Variants in GRM8 observed in about 807,000 individuals in gnomAD.
The protein encoded by GRM8 is metabotropic glutamate receptor 8.
Under a neutral mutation model 87.2 loss-of-function variants are expected in GRM8, and 47 were observed. The ratio of observed to expected loss-of-function variants is 0.54; its 90% CI spans 0.43 to 0.69. GRM8 has a LOEUF of 0.69. GRM8 is among the 30% of genes least tolerant of loss of function. The pLI, the probability that GRM8 is intolerant of heterozygous loss-of-function variation, is 0.00. For synonymous variants in GRM8, 396 were observed against 404.5 expected (o/e 0.98, Z 0.25); for missense variants, 1,019 against 1,139.2 (o/e 0.89, Z 1.52).
intron 7 of GRM8, among the ~76,000 whole-genome samples, chr7:126,675,340 T>G (rs896385768): frequency 6.6e-6 from 1 of 152,318 alleles, no homozygotes; most frequent in East Asian, 1.9e-4. Flanking sequence ...CCAATCCTAC[T>G]GAAACTATTT....
chr7:126,631,266 T>C (rs182310311), intron 7 of GRM8, among the ~76,000 whole-genome samples: 1 of 152,200 alleles, frequency 6.6e-6, no homozygotes, highest in Admixed American at 6.5e-5. Flanking sequence ...AAATCATGTA[T>C]GAACTCCCTT....
intron 2 of GRM8, among the ~76,000 whole-genome samples, chr7:127,166,285 T>C (rs186597633): frequency 6.6e-6 from 1 of 152,308 alleles, no homozygotes; most frequent in Non-Finnish European, 1.5e-5. Flanking sequence ...TGATTTTTTT[T>C]CCTTCTTCTT....
chr7:126,794,718 G>T (rs936662725), intron 6 of GRM8, among the ~76,000 whole-genome samples: 1 of 152,164 alleles, frequency 6.6e-6, no homozygotes, highest in Non-Finnish European at 1.5e-5. Context: ...TTGTCAAAGT[G>T]TGGTGGTTCA....
At chr7:127,128,707 T>C (rs1353789042) in intron 2 of GRM8, among the ~76,000 whole-genome samples, 1 of 152,166 alleles carries the variant, frequency 6.6e-6, no homozygotes, top group Non-Finnish European at 1.5e-5. Context: ...AGCTAATGAA[T>C]AACGGTAAGG....
chr7:126,804,229 C>A (rs927977067), intron 6 of GRM8, among the ~76,000 whole-genome samples: 10 of 152,198 alleles, frequency 6.6e-5, no homozygotes, highest in African/African-American at 2.4e-4. Context: ...GGCAGCTTAG[C>A]TTTTTTCCCT....
chr7:126,774,730 A>C (rs1165522650), intron 6 of GRM8, among the ~76,000 whole-genome samples: 1 of 152,126 alleles, frequency 6.6e-6, no homozygotes, highest in Non-Finnish European at 1.5e-5. Context: ...TCAGTAAAAA[A>C]GGCAAATTGA....
rs553002975 is a variant in GRM8, at chr7:127,027,261, G to C, written c.727+79235C>G. On this transcript the variant is annotated intron_variant, in intron 3 of 10. Transcript: ENST00000339582. ...AGCCTTGTAGTATAGTTTGAAGTCA[G>C]GTAGCGTGATGCCTCCAGCTTTGTT... Among the ~76,000 whole-genome samples the C allele has an allele frequency of 7.2e-5, 11 of 152,280 alleles. No homozygotes were observed. In the South Asian group the frequency reaches 2.3e-3, roughly 32 times the overall value.
intron 7 of GRM8, among the ~76,000 whole-genome samples, chr7:126,739,802 AT>A (rs1814730616): frequency 1.3e-5 from 2 of 151,970 alleles, no homozygotes; most frequent in African/African-American, 2.4e-5. Context: ...TTTTACTGTA[AT>A]TTTCTATGTT....
intron 9 of GRM8, among the ~76,000 whole-genome samples, chr7:126,468,060 A>G (rs1804715649): frequency 1.3e-5 from 2 of 152,090 alleles, no homozygotes. Context: ...GATAACTATA[A>G]AAATAAATAA....
chr7:127,151,928 G>A (rs1828880878), intron 2 of GRM8, among the ~76,000 whole-genome samples: 1 of 151,800 alleles, frequency 6.6e-6, no homozygotes, highest in Non-Finnish European at 1.5e-5. Flanking sequence ...TAATTCTGTA[G>A]ATTAAAAAAA....
At chr7:126,962,947 G>A (rs763298689) in intron 3 of GRM8, among the ~76,000 whole-genome samples, 1 of 152,164 alleles carries the variant, frequency 6.6e-6, no homozygotes, top group Non-Finnish European at 1.5e-5. Context: ...AAAACTTAGA[G>A]ATCTTTGACC....
chr7:126,487,448 C>A (rs1474066500), intron 9 of GRM8, among the ~76,000 whole-genome samples: 2 of 151,820 alleles, frequency 1.3e-5, no homozygotes, highest in African/African-American at 4.8e-5. Flanking sequence ...ATTTTAATAA[C>A]TTTTTCTGAT....
intron 9 of GRM8, among the ~76,000 whole-genome samples, chr7:126,454,245 ATGT>A (rs1802967782): frequency 6.6e-6 from 1 of 151,762 alleles, no homozygotes; most frequent in Non-Finnish European, 1.5e-5. Flanking sequence ...AAGAGAAAAT[ATGT>A]TGAATCCTAT....
At chr7:126,607,800 A>G (rs1222782552) in intron 8 of GRM8, among the ~76,000 whole-genome samples, 1 of 150,710 alleles carries the variant, frequency 6.6e-6, no homozygotes. Context: ...TGCACCCACT[A>G]ACTCGTCATC....
At chr7:126,740,028 A>G (rs575509951) in intron 7 of GRM8, among the ~76,000 whole-genome samples, 2 of 152,230 alleles carry the variant, frequency 1.3e-5, no homozygotes, top group Non-Finnish European at 2.9e-5. Flanking sequence ...CATTTCTCAG[A>G]ACATGCCCCC....
intron 3 of GRM8, among the ~76,000 whole-genome samples, chr7:127,047,862 C>T (rs1010087148): frequency 6.6e-6 from 1 of 152,106 alleles, no homozygotes; most frequent in African/African-American, 2.4e-5. Context: ...AAAAGCAATG[C>T]AAAATATCTT....
intron 6 of GRM8, among the ~76,000 whole-genome samples, chr7:126,782,824 C>G (rs1820226209): frequency 6.6e-6 from 1 of 152,130 alleles, no homozygotes; most frequent in South Asian, 2.1e-4. Context: ...TGCAGTCAAT[C>G]CTCTGGATGA....
At chr7:126,747,539 C>T (rs1339157215) in intron 7 of GRM8, among the ~76,000 whole-genome samples, 1 of 151,984 alleles carries the variant, frequency 6.6e-6, no homozygotes, top group African/African-American at 2.4e-5. Flanking sequence ...ACTACAATGA[C>T]TCTCTTTTGC....
chr7:126,959,673 C>A (rs965877353), intron 3 of GRM8, among the ~76,000 whole-genome samples: 7 of 152,190 alleles, frequency 4.6e-5, no homozygotes, highest in African/African-American at 1.4e-4. Flanking sequence ...TATTTGCACA[C>A]ATTTATTTTT....
Sources: allele counts gnomAD v4.1 joint callset (sites outside exome capture counted in the v4.1 genomes callset), GRCh38; gene constraint gnomAD v4.1.1; transcripts MANE v1.5; gene names NCBI Gene and HGNC (gene_info 2026-07-23, HGNC 2026-07-21).